Variants in RP1 observed in about 807,000 individuals in gnomAD.
RP1 encodes the protein RP1 axonemal microtubule associated.
RP1 carries 16 observed loss-of-function variants against 14.8 expected under a neutral mutation model. That is an observed-to-expected ratio of 1.08 (90% CI 0.73 to 1.65). RP1 has a LOEUF of 1.65. RP1 is among the 40% of genes most tolerant of loss of function. The pLI is 0.00. For synonymous variants in RP1, 876 were observed against 883.6 expected (o/e 0.99, Z 0.15); for missense variants, 2,631 against 2,535.0 (o/e 1.04, Z -0.81).
intron 19 of RP1, among the ~76,000 whole-genome samples, chr8:54,752,244 T>C (rs1809389934): frequency 6.6e-6 from 1 of 152,156 alleles, no homozygotes; most frequent in Non-Finnish European, 1.5e-5. Context: ...CAAATATTAA[T>C]CATTGAAATA....
chr8:54,695,317 G>A (rs1037098083), intron 12 of RP1, among the ~76,000 whole-genome samples: 2 of 151,762 alleles, frequency 1.3e-5, no homozygotes. Context: ...ATACTTAACT[G>A]TTGATGAGAT....
chr8:54,640,959 C>CTTTT (rs34975591), intron 3 of RP1, among the ~76,000 whole-genome samples: 2 of 128,362 alleles, frequency 1.6e-5, no homozygotes, highest in African/African-American at 2.9e-5. Context: ...TATAAATCTC[C>CTTTT]TTTTTTTTTT....
At chr8:54,698,252 G>GA (rs1807919808) in intron 12 of RP1, among the ~76,000 whole-genome samples, 1 of 152,130 alleles carries the variant, frequency 6.6e-6, no homozygotes, top group Non-Finnish European at 1.5e-5. Context: ...CTTCTCAAAA[G>GA]AGACATTTAT....
intron 25 of RP1, among the ~76,000 whole-genome samples, chr8:54,840,623 GT>G (rs35305035): frequency 3.4e-4 from 48 of 141,786 alleles, no homozygotes; most frequent in African/African-American, 1.1e-3. Context: ...AGGCAGTTGT[GT>G]TTTTTTTTTT....
intron 5 of RP1, chr8:54,652,995 C>A: frequency 1.7e-6 from 1 of 596,646 alleles, no homozygotes. Flanking sequence ...TTCTTCAAGG[C>A]AGAAGTATCA....
chr8:54,727,571 A>T (rs1257433725), intron 17 of RP1, among the ~76,000 whole-genome samples: 1 of 152,160 alleles, frequency 6.6e-6, no homozygotes, highest in East Asian at 1.9e-4. Flanking sequence ...TGTTACCATT[A>T]TGAAATTTTT....
intron 6 of RP1, among the ~76,000 whole-genome samples, chr8:54,657,152 A>C (rs1384877622): frequency 6.6e-6 from 1 of 152,198 alleles, no homozygotes; most frequent in African/African-American, 2.4e-5. Context: ...ACCATTCATA[A>C]GTATTTTTTT....
chr8:54,748,838 G>C (rs1809290620), intron 19 of RP1, among the ~76,000 whole-genome samples: 3 of 152,138 alleles, frequency 2.0e-5, no homozygotes, highest in Admixed American at 2.0e-4. Flanking sequence ...AATGAGAGTA[G>C]AAGTATTTTT....
In RP1 at chr8:54,759,077, G is replaced by C; in HGVS notation, c.3248+1G>C. The C allele has an allele frequency of 1.3e-6, 2 of 1,526,098 alleles. No homozygotes were observed. The highest frequency in any genetic ancestry group is 8.8e-7 in the Non-Finnish European group (1 of 1,141,642). The allele number at this position is 1,526,098 out of a possible 1,614,324, so 94.5% of individuals were successfully genotyped here. A position where few individuals can be genotyped will look rare whatever the true frequency, so the allele number is the denominator to read the frequency against. ...CCGAGTCCATCTTTACCTGTCAAAG[G>C]TAATGCTGGTCTCCAAGATACTTCA... is the stretch of plus-strand genomic sequence containing the variant. On this transcript the variant is annotated splice_donor_variant, in intron 22 of 22. Transcript: ENST00000636932. LOFTEE classifies it high-confidence loss of function.
chr8:54,810,501 A>G (rs1228012011), intron 24 of RP1, among the ~76,000 whole-genome samples: 1 of 152,138 alleles, frequency 6.6e-6, no homozygotes, highest in East Asian at 1.9e-4. Flanking sequence ...CATAGGCGTG[A>G]TGTCTCTTGA....
intron 12 of RP1, chr8:54,699,447 A>T (rs2129342752): frequency 7.9e-7 from 1 of 1,265,190 alleles, no homozygotes; most frequent in South Asian, 2.3e-5. Flanking sequence ...GCTTTCTAAT[A>T]CTTTAAAAAT....
intron 1 of RP1, among the ~76,000 whole-genome samples, chr8:54,581,942 T>C (rs1473986747): frequency 1.3e-5 from 2 of 152,078 alleles, no homozygotes; most frequent in African/African-American, 4.8e-5. Flanking sequence ...TTGTCTCCCA[T>C]TCTGTAGGTT....
chr8:54,579,482 C>T lies in RP1; in HGVS notation c.-13+20162C>T, dbSNP rs561232795. On this transcript the variant is annotated intron_variant, in intron 1 of 22. Transcript: ENST00000636932. ...AAGACTCTGGTGTCTTGTGGCATTT[C>T]CCCCCCAGTAGATGGGGCATTTGGG... Among the ~76,000 whole-genome samples, 334 of 151,620 alleles carry T rather than the reference C, an allele frequency of 2.2e-3. 6 individuals are homozygous for T. The highest frequency in any genetic ancestry group is 3.4e-3 in the Middle Eastern group (1 of 294).
At chr8:54,707,676 T>C (rs908499372) in intron 15 of RP1, among the ~76,000 whole-genome samples, 12 of 152,222 alleles carry the variant, frequency 7.9e-5, no homozygotes, top group African/African-American at 2.9e-4. Context: ...AGAACTTGCA[T>C]GAGCTTCTTG....
intron 17 of RP1, among the ~76,000 whole-genome samples, chr8:54,734,194 T>G (rs939198312): frequency 2.6e-5 from 4 of 152,182 alleles, no homozygotes; most frequent in African/African-American, 9.7e-5. Flanking sequence ...TAGTTCTATA[T>G]AAAATATGTA....
chr8:54,689,249 C>T (rs989452363), intron 12 of RP1, among the ~76,000 whole-genome samples: 3 of 152,110 alleles, frequency 2.0e-5, no homozygotes, highest in Non-Finnish European at 2.9e-5. Context: ...ACAATCATGT[C>T]ATCTGCAAAC....
At chr8:54,670,706 T>TGA (rs1807159658) in intron 7 of RP1, among the ~76,000 whole-genome samples, 1 of 109,834 alleles carries the variant, frequency 9.1e-6, no homozygotes, top group Non-Finnish European at 1.9e-5. Context: ...TATATATATA[T>TGA]AAAACATTAA....
intron 24 of RP1, among the ~76,000 whole-genome samples, chr8:54,814,272 G>A (rs1292918766): frequency 1.3e-5 from 2 of 152,108 alleles, no homozygotes; most frequent in African/African-American, 2.4e-5. Context: ...GAAAATGAAT[G>A]GGCCCATGAA....
chr8:54,690,221 G>A (rs1238899993), intron 12 of RP1, among the ~76,000 whole-genome samples: 1 of 152,060 alleles, frequency 6.6e-6, no homozygotes, highest in Admixed American at 6.6e-5. Flanking sequence ...TGAGGTCATT[G>A]CTAATAGTTA....
Sources: gnomAD v4.1 joint callset for allele counts (sites outside exome capture counted in the v4.1 genomes callset) on GRCh38, gnomAD v4.1.1 for gene constraint, MANE v1.5 for transcripts, NCBI Gene and HGNC (gene_info 2026-07-23, HGNC 2026-07-21) for gene names.